PKHD1L1: variants seen among roughly 807,000 people sequenced by gnomAD.
The protein encoded by PKHD1L1 is fibrocystin-L.
Under a neutral mutation model 462.9 loss-of-function variants are expected in PKHD1L1, and 434 were observed. That is an observed-to-expected ratio of 0.94 (90% CI 0.87 to 1.02). The LOEUF (loss-of-function observed/expected upper bound fraction) is 1.02. Among genes scored for constraint, PKHD1L1 ranks in the 50% least tolerant of loss-of-function variants. PKHD1L1 has a pLI of 0.00. For missense variants in PKHD1L1, 5,202 were observed against 5,096.1 expected, an observed-to-expected ratio of 1.02 and a Z score of -0.63; for synonymous variants, 1,781 against 1,750.0, an observed-to-expected ratio of 1.02 and a Z score of -0.44.
intron 27 of PKHD1L1, among the ~76,000 whole-genome samples, chr8:109,431,113 G>T: frequency 6.6e-6 from 1 of 151,822 alleles, no homozygotes; most frequent in East Asian, 1.9e-4. Context: ...GACTACAGGT[G>T]CATACCACCA....
At chr8:109,370,655 C>A (rs1811457026) in intron 2 of PKHD1L1, among the ~76,000 whole-genome samples, 1 of 151,976 alleles carries the variant, frequency 6.6e-6, no homozygotes, top group African/African-American at 2.4e-5. Flanking sequence ...CTATCCCTAC[C>A]CCCTACCCCC....
chr8:109,487,890 G>GAGAGGA (rs1818620894), intron 59 of PKHD1L1, among the ~76,000 whole-genome samples: 1 of 69,296 alleles, frequency 1.4e-5, no homozygotes, highest in Non-Finnish European at 2.9e-5. Context: ...GAGAGAGAGA[G>GAGAGGA]AGGAAGGAAG....
At chr8:109,379,146 A>T (rs1047967477) in intron 2 of PKHD1L1, among the ~76,000 whole-genome samples, 6 of 152,096 alleles carry the variant, frequency 3.9e-5, no homozygotes, top group Non-Finnish European at 7.4e-5. Flanking sequence ...AGAGACCAAC[A>T]CTGAGCTCTC....
In PKHD1L1 at chr8:109,531,434, G is replaced by GGA. The variant is rs910504057; in HGVS notation, c.*1353_*1354dup. Among the ~76,000 whole-genome samples the GGA allele has an allele frequency of 1.3e-5, 2 of 151,994 alleles. No individual in the cohort carries two copies. Among genetic ancestry groups the GGA allele is most frequent in the Admixed American group, 6.6e-5 (1 of 15,230 alleles). On this transcript the variant is annotated 3_prime_UTR_variant, in exon 78 of 78. Transcript: ENST00000378402. ...CAATACAACATGATCACTGTCTCAG[G>GGA]GAGAGAGAGACAGAGAAAGACAGAG... is the stretch of plus-strand genomic sequence containing the variant.
At chr8:109,510,707 T>C (rs1819925931) in intron 70 of PKHD1L1, 70 bp from the exon 71 acceptor site, 1 of 1,491,382 alleles carries the variant, frequency 6.7e-7, no homozygotes, top group Admixed American at 2.3e-5. Context: ...TTAATACAAT[T>C]ACTCTTCAGA....
At chr8:109,436,993 G>T (rs190172496) in intron 30 of PKHD1L1, among the ~76,000 whole-genome samples, 5 of 152,346 alleles carry the variant, frequency 3.3e-5, no homozygotes, top group Non-Finnish European at 5.9e-5. Flanking sequence ...TCGCCTCACT[G>T]CAACCTCTGC....
At chr8:109,519,169 G>T (rs1425684190) in intron 73 of PKHD1L1, among the ~76,000 whole-genome samples, 1 of 152,050 alleles carries the variant, frequency 6.6e-6, no homozygotes, top group African/African-American at 2.4e-5. Flanking sequence ...TCCTGTGACT[G>T]AGCGAATCAT....
chr8:109,489,326 TG>T (rs1163091696), intron 59 of PKHD1L1, among the ~76,000 whole-genome samples: 1 of 151,980 alleles, frequency 6.6e-6, no homozygotes, highest in East Asian at 1.9e-4. Flanking sequence ...GGGTGCTTTA[TG>T]GGAATTAAAC....
At chr8:109,493,392 G>A (rs1818927807) in intron 62 of PKHD1L1, among the ~76,000 whole-genome samples, 1 of 151,480 alleles carries the variant, frequency 6.6e-6, no homozygotes, top group Non-Finnish European at 1.5e-5. Context: ...AGTGGATTTT[G>A]TGACTGAAAT....
chr8:109,447,808 G>A (rs555763275), intron 38 of PKHD1L1, among the ~76,000 whole-genome samples: 1 of 152,288 alleles, frequency 6.6e-6, no homozygotes, highest in Non-Finnish European at 1.5e-5. Context: ...AACCCATGCT[G>A]CTCAGACATT....
At chr8:109,518,853 G>A (rs1034585829) in intron 73 of PKHD1L1, among the ~76,000 whole-genome samples, 2 of 152,116 alleles carry the variant, frequency 1.3e-5, no homozygotes, top group Non-Finnish European at 2.9e-5. Flanking sequence ...AGAGGAAAAA[G>A]AGTGTTCAAG....
chr8:109,455,665 T>C (rs1816781352), intron 45 of PKHD1L1, among the ~76,000 whole-genome samples: 1 of 151,956 alleles, frequency 6.6e-6, no homozygotes, highest in Admixed American at 6.6e-5. Flanking sequence ...TAGAACCTTG[T>C]CAGCAAGTAA....
chr8:109,514,267 G>T (rs1008961004), intron 71 of PKHD1L1, among the ~76,000 whole-genome samples: 1 of 152,030 alleles, frequency 6.6e-6, no homozygotes, highest in Non-Finnish European at 1.5e-5. Context: ...ACGCCTCCTT[G>T]CTTGGCTCTC....
chr8:109,494,942 A>G (rs1366468274), intron 63 of PKHD1L1, among the ~76,000 whole-genome samples: 2 of 151,972 alleles, frequency 1.3e-5, no homozygotes, highest in Non-Finnish European at 2.9e-5. Flanking sequence ...TGAGAAATGT[A>G]TGTCCCTTCC....
intron 32 of PKHD1L1, 46 bp downstream of exon 32, chr8:109,439,138 G>C (rs576287517): frequency 6.5e-7 from 1 of 1,530,606 alleles, no homozygotes; most frequent in Non-Finnish European, 8.9e-7. Flanking sequence ...AACACATGGG[G>C]CTAGTGGAAT....
In PKHD1L1 at chr8:109,380,192, C is replaced by T. The variant is rs563695522; in HGVS notation, c.164-1178C>T. Among the ~76,000 whole-genome samples the T allele has an allele frequency of 1.7e-3, 251 of 149,762 alleles. 2 individuals are homozygous for T. The highest frequency in any genetic ancestry group is 3.0e-3 in the Non-Finnish European group (202 of 68,010). ...TCCCTCTAACCCTCTTGTATTAAAT[C>T]TTAGCAGAGATCTCAGCTGGCTACC... On this transcript the variant is annotated intron_variant, in intron 2 of 77. Coordinates refer to ENST00000378402, the MANE Select transcript of PKHD1L1 (RefSeq NM_177531.6).
chr8:109,395,745 G>C (rs1216750310), intron 10 of PKHD1L1, among the ~76,000 whole-genome samples: 1 of 152,048 alleles, frequency 6.6e-6, no homozygotes, highest in Non-Finnish European at 1.5e-5. Flanking sequence ...CTCAGCTCAG[G>C]TTTTCCTTAC....
chr8:109,523,164 T>C (rs1001601488), intron 75 of PKHD1L1, 69 bp from the exon 76 acceptor site: 4 of 1,384,136 alleles, frequency 2.9e-6, no homozygotes, highest in African/African-American at 1.5e-5. Flanking sequence ...AAATAAAGTT[T>C]TGCATATATT....
At chr8:109,399,797 T>A (rs1813177119) in intron 12 of PKHD1L1, among the ~76,000 whole-genome samples, 1 of 152,176 alleles carries the variant, frequency 6.6e-6, no homozygotes, top group African/African-American at 2.4e-5. Context: ...TTTACATGTG[T>A]ATTATACATA....
Sources: allele counts gnomAD v4.1 joint callset (sites outside exome capture counted in the v4.1 genomes callset), GRCh38; gene constraint gnomAD v4.1.1; transcripts MANE v1.5; gene names NCBI Gene and HGNC (gene_info 2026-07-23, HGNC 2026-07-21).